MSI2: variants seen among roughly 807,000 people sequenced by gnomAD.
MSI2 encodes the protein musashi RNA binding protein 2, also known as RNA-binding protein Musashi homolog 2.
In MSI2, 17 loss-of-function variants were observed where a neutral mutation model predicts 45.6. The ratio of observed to expected loss-of-function variants is 0.37; its 90% CI spans 0.26 to 0.56. The LOEUF (loss-of-function observed/expected upper bound fraction) is 0.56, where lower values mean the gene tolerates loss of function less well. Ranked by LOEUF, MSI2 falls within the 20% of genes least tolerant of loss-of-function variation. MSI2 has a pLI of 0.77. For synonymous variants in MSI2, 156 were observed against 158.2 expected (o/e 0.99, Z 0.11); for missense variants, 293 against 444.2 (o/e 0.66, Z 3.06).
At chr17:57,418,566 G>A (rs1264820097) in intron 6 of MSI2, among the ~76,000 whole-genome samples, 2 of 152,244 alleles carry the variant, frequency 1.3e-5, no homozygotes, top group Non-Finnish European at 2.9e-5. Flanking sequence ...TTCTTGGGCT[G>A]TGGGGTGCTC....
At chr17:57,472,396 T>A (rs2085454820) in intron 6 of MSI2, among the ~76,000 whole-genome samples, 1 of 151,880 alleles carries the variant, frequency 6.6e-6, no homozygotes, top group Non-Finnish European at 1.5e-5. Context: ...GCAGATCAGA[T>A]CCCCTTAGTG....
intron 8 of MSI2, among the ~76,000 whole-genome samples, chr17:57,599,683 C>T (rs527939823): frequency 3.3e-5 from 5 of 152,256 alleles, no homozygotes; most frequent in Admixed American, 2.0e-4. Flanking sequence ...CAGATTGATT[C>T]GGATGACAGG....
intron 5 of MSI2, among the ~76,000 whole-genome samples, chr17:57,332,848 A>C (rs1914380136): frequency 6.6e-6 from 1 of 152,054 alleles, no homozygotes; most frequent in Admixed American, 6.5e-5. Context: ...ACATGGTGAA[A>C]CCTCATCTCT....
intron 7 of MSI2, among the ~76,000 whole-genome samples, chr17:57,569,943 G>C (rs2087833762): frequency 6.6e-6 from 1 of 152,204 alleles, no homozygotes; most frequent in African/African-American, 2.4e-5. Flanking sequence ...GTGGGAAAGG[G>C]TGTGAAATCT....
chr17:57,492,694 G>A (rs972612155), intron 6 of MSI2, among the ~76,000 whole-genome samples: 1 of 152,082 alleles, frequency 6.6e-6, no homozygotes, highest in South Asian at 2.1e-4. Flanking sequence ...CTGCCTCCCG[G>A]GTTCAAGCAA....
chr17:57,348,008 GCCCT>G, intron 5 of MSI2, among the ~76,000 whole-genome samples: 1 of 152,316 alleles, frequency 6.6e-6, no homozygotes. Context: ...TGTGCACGGT[GCCCT>G]TGTGCTGCGC....
chr17:57,573,070 A>T (rs896119366), intron 7 of MSI2, among the ~76,000 whole-genome samples: 4 of 152,142 alleles, frequency 2.6e-5, no homozygotes, highest in African/African-American at 9.7e-5. Flanking sequence ...CACATGTCCA[A>T]TGGGAAGGCG....
At chr17:57,334,948 CTT>C (rs199679226) in intron 5 of MSI2, among the ~76,000 whole-genome samples, 4 of 144,392 alleles carry the variant, frequency 2.8e-5, no homozygotes, top group Admixed American at 1.4e-4. Context: ...GAGCAAGTAG[CTT>C]TTTTTTTTTT....
chr17:57,594,588 G>T (rs1905111734), intron 7 of MSI2, among the ~76,000 whole-genome samples: 1 of 152,156 alleles, frequency 6.6e-6, no homozygotes, highest in South Asian at 2.1e-4. Context: ...ATGATCAGTG[G>T]GACCAAGGGC....
intron 5 of MSI2, among the ~76,000 whole-genome samples, chr17:57,283,101 T>C (rs1909568002): frequency 6.6e-6 from 1 of 152,344 alleles, no homozygotes; most frequent in South Asian, 2.1e-4. Flanking sequence ...TTAATCTTCC[T>C]GCAGCTGTGT....
rs115281161 is a variant in MSI2, at chr17:57,595,962, C to T, written c.455-906C>T. Among the ~76,000 whole-genome samples the T allele has an allele frequency of 4.0e-3, 608 of 152,336 alleles. 3 individuals are homozygous for T. Among genetic ancestry groups the T allele is most frequent in the African/African-American group, 0.014 (574 of 41,574 alleles). ...GGTCTCAGTCTCCCCATCAGTGTGTCTGCCCCCATGGCCTGTGCTCCCTCG... is the reference window on the plus strand; with the variant it reads ...GGTCTCAGTCTCCCCATCAGTGTGTTTGCCCCCATGGCCTGTGCTCCCTCG... On this transcript the variant is annotated intron_variant, in intron 7 of 13. Transcript: ENST00000284073.
At chr17:57,262,274 G>C in intron 5 of MSI2, 82 bp downstream of exon 5, 1 of 1,438,576 alleles carries the variant, frequency 7.0e-7, no homozygotes, top group South Asian at 1.2e-5. Context: ...CATTGGCCAT[G>C]AACTGTTGAA....
chr17:57,321,184 G>T (rs540669406), intron 5 of MSI2, among the ~76,000 whole-genome samples: 1 of 151,896 alleles, frequency 6.6e-6, no homozygotes, highest in Non-Finnish European at 1.5e-5. Context: ...AGCCAGACAG[G>T]CTGGGAAAAG....
Position 57,529,767 on chromosome 17 carries a change from TG to T in MSI2, c.454+45del. 1 of 1,529,554 alleles carries T rather than the reference TG, an allele frequency of 6.5e-7. No individual in the cohort carries two copies. The highest frequency in any genetic ancestry group is 1.2e-5 in the South Asian group (1 of 86,436). 94.7% of individuals were successfully genotyped at this position (1,529,554 alleles called of 1,614,324 possible). The stretch of plus-strand genomic sequence containing the variant: ...TAAGAGGGTTGCGTTCACCCTCTCC[TG>T]GCCTCTCTGTCTGTCATCCCCAGTC... On this transcript the variant is annotated intron_variant, in intron 7 of 13. Transcript: ENST00000284073. The surrounding 1 kb of genome is among the most constrained non-coding windows in gnomAD (Gnocchi z 5.3).
chr17:57,303,387 A>G (rs1298249037), intron 5 of MSI2, among the ~76,000 whole-genome samples: 1 of 152,246 alleles, frequency 6.6e-6, no homozygotes, highest in African/African-American at 2.4e-5. Context: ...AGGACCAAAC[A>G]CAGGCTTTCA....
intron 5 of MSI2, among the ~76,000 whole-genome samples, chr17:57,290,733 G>A (rs1161508061): frequency 6.6e-6 from 1 of 152,196 alleles, no homozygotes; most frequent in Non-Finnish European, 1.5e-5. Flanking sequence ...TGAAATCGGT[G>A]TCTCAGTCTT....
intron 10 of MSI2, among the ~76,000 whole-genome samples, chr17:57,641,307 C>T (rs570841807): frequency 1.3e-5 from 2 of 152,252 alleles, no homozygotes; most frequent in African/African-American, 2.4e-5. Context: ...GCGCTCAAGA[C>T]TTGAGCGTTT....
rs1038687179 is a variant in MSI2 at position 57,680,498 on chromosome 17, C to T, written c.*981C>T. 2.0e-4 allele frequency: 47 copies of T among 229,340 alleles called. No homozygotes were observed. Among genetic ancestry groups the T allele is most frequent in the Admixed American group, 1.5e-3 (26 of 17,656 alleles). The allele number at this position is 229,340 out of a possible 1,614,324, so 14.2% of individuals were successfully genotyped here. On this transcript the variant is annotated 3_prime_UTR_variant, in exon 14 of 14. Coordinates refer to ENST00000284073, the MANE Select transcript of MSI2 (RefSeq NM_138962.4). Reference sequence around the variant, plus strand: ...CCAAGTCAGTTACTGAGATGAAGATCGCCCAGCTGCCAGGACCACCCCAGG... The same window carrying T: ...CCAAGTCAGTTACTGAGATGAAGATTGCCCAGCTGCCAGGACCACCCCAGG...
In MSI2 at chr17:57,627,488, T is replaced by A; in HGVS notation, c.727+185T>A. 1 of 628,206 alleles carries A rather than the reference T, an allele frequency of 1.6e-6. No homozygotes were observed. Among genetic ancestry groups the A allele is most frequent in the Non-Finnish European group, 2.9e-6 (1 of 350,122 alleles). 38.9% of individuals were successfully genotyped at this position (628,206 alleles called of 1,614,324 possible). A position where few individuals can be genotyped will look rare whatever the true frequency, so the allele number is the denominator to read the frequency against. On this transcript the variant is annotated intron_variant, in intron 10 of 13. Coordinates refer to ENST00000284073, the MANE Select transcript of MSI2 (RefSeq NM_138962.4). The surrounding 1 kb of genome is among the most constrained non-coding windows in gnomAD (Gnocchi z 4.6). ...ATGCAGCTCAGAGTTTTTGATTAAC[T>A]CAGGTATAACTCACTGGTGCCGGGT... is the stretch of plus-strand genomic sequence containing the variant.
Sources: allele counts gnomAD v4.1 joint callset (sites outside exome capture counted in the v4.1 genomes callset), GRCh38; gene constraint gnomAD v4.1.1; non-coding constraint Gnocchi (gnomAD v3.1); transcripts MANE v1.5; gene names NCBI Gene and HGNC (gene_info 2026-07-23, HGNC 2026-07-21).